Variants in CCSER1 observed in about 807,000 individuals in gnomAD.
The protein encoded by CCSER1 is serine-rich coiled-coil domain-containing protein 1.
Under a neutral mutation model 82.0 loss-of-function variants are expected in CCSER1, and 41 were observed. The observed-to-expected ratio is 0.50, with a 90% CI of 0.39 to 0.65. The LOEUF is 0.65. Among genes scored for constraint, CCSER1 ranks in the 30% least tolerant of loss-of-function variants. CCSER1 has a pLI of 0.00. For missense variants in CCSER1, 1,119 were observed against 1,064.2 expected (o/e 1.05, Z -0.72); for synonymous variants, 414 against 383.9 (o/e 1.08, Z -0.92).
chr4:90,184,380 G>A (rs1734235056), intron 1 of CCSER1, among the ~76,000 whole-genome samples: 3 of 152,098 alleles, frequency 2.0e-5, no homozygotes, highest in Admixed American at 1.3e-4. Flanking sequence ...AAAATGTTCG[G>A]TGGGGATGGC....
chr4:90,705,119 CT>C (rs1296726985), intron 6 of CCSER1, among the ~76,000 whole-genome samples: 1 of 152,112 alleles, frequency 6.6e-6, no homozygotes, highest in Non-Finnish European at 1.5e-5. Flanking sequence ...TAGCTTTGGT[CT>C]TTGATGATCA....
intron 7 of CCSER1, among the ~76,000 whole-genome samples, chr4:90,799,850 G>A (rs1756558481): frequency 1.3e-5 from 2 of 152,196 alleles, no homozygotes; most frequent in African/African-American, 2.4e-5. Context: ...ACAAGTGTCT[G>A]TAGTGGTCAA....
At chr4:90,419,318 C>T (rs532464391) in intron 4 of CCSER1, among the ~76,000 whole-genome samples, 3 of 151,796 alleles carry the variant, frequency 2.0e-5, no homozygotes, top group Admixed American at 6.6e-5. Flanking sequence ...GTTCTTCTAA[C>T]GATGATAGTA....
At chr4:90,430,430 C>T (rs1266016661) in intron 4 of CCSER1, among the ~76,000 whole-genome samples, 3 of 151,822 alleles carry the variant, frequency 2.0e-5, no homozygotes, top group Non-Finnish European at 4.4e-5. Context: ...CCAATACAAG[C>T]TCTGAGTGAA....
chr4:90,129,122 A>G (rs1038194782), intron 1 of CCSER1, among the ~76,000 whole-genome samples: 1 of 152,180 alleles, frequency 6.6e-6, no homozygotes, highest in South Asian at 2.1e-4. Flanking sequence ...TTCCTATTGA[A>G]ATGTAACACA....
chr4:91,048,317 A>C (rs1243770407), intron 9 of CCSER1, among the ~76,000 whole-genome samples: 1 of 151,664 alleles, frequency 6.6e-6, no homozygotes, highest in African/African-American at 2.4e-5. Flanking sequence ...CAACTAAACA[A>C]ATTTCCTTCC....
chr4:90,506,259 C>A (rs777720786), intron 5 of CCSER1, among the ~76,000 whole-genome samples: 1 of 152,072 alleles, frequency 6.6e-6, no homozygotes, highest in East Asian at 1.9e-4. Flanking sequence ...GAATTTTCAT[C>A]TAGTTAATTT....
chr4:91,488,391 T>C (rs1464362719), intron 10 of CCSER1, among the ~76,000 whole-genome samples: 3 of 152,212 alleles, frequency 2.0e-5, no homozygotes, highest in African/African-American at 7.2e-5. Flanking sequence ...AATAAACATT[T>C]ACTGAGAAAC....
intron 10 of CCSER1, among the ~76,000 whole-genome samples, chr4:91,171,063 A>C (rs1370912367): frequency 6.6e-6 from 1 of 152,218 alleles, no homozygotes; most frequent in East Asian, 1.9e-4. Context: ...TATCAAATCT[A>C]TTTATGTCTA....
intron 8 of CCSER1, among the ~76,000 whole-genome samples, chr4:90,833,174 C>A (rs1580694626): frequency 6.6e-6 from 1 of 152,112 alleles, no homozygotes; most frequent in Non-Finnish European, 1.5e-5. Context: ...TTGGTGAGGG[C>A]TTTTACCCTG....
intron 10 of CCSER1, among the ~76,000 whole-genome samples, chr4:91,372,259 G>C (rs934430629): frequency 6.6e-6 from 1 of 152,060 alleles, no homozygotes; most frequent in Non-Finnish European, 1.5e-5. Context: ...GCTTGTACTA[G>C]AGGTTTATTC....
intron 1 of CCSER1, among the ~76,000 whole-genome samples, chr4:90,306,162 C>G (rs2153476981): frequency 6.6e-6 from 1 of 152,158 alleles, no homozygotes; most frequent in South Asian, 2.1e-4. Flanking sequence ...CTACCAGGCC[C>G]CAGGATGGAA....
At chr4:91,398,430 C>G (rs1752119360) in intron 10 of CCSER1, among the ~76,000 whole-genome samples, 1 of 151,730 alleles carries the variant, frequency 6.6e-6, no homozygotes, top group African/African-American at 2.4e-5. Flanking sequence ...ATTTAAAATA[C>G]TTTAAATTAA....
chr4:91,564,713 C>T (rs1466179638), intron 10 of CCSER1, among the ~76,000 whole-genome samples: 1 of 151,714 alleles, frequency 6.6e-6, no homozygotes, highest in Non-Finnish European at 1.5e-5. Flanking sequence ...TGTTCATTTT[C>T]CCACTTTTTA....
At chr4:90,140,277 A>G (rs918016355) in intron 1 of CCSER1, among the ~76,000 whole-genome samples, 2 of 152,154 alleles carry the variant, frequency 1.3e-5, no homozygotes, top group Non-Finnish European at 2.9e-5. Flanking sequence ...ACTTAAAGGG[A>G]TGAATTTTCG....
intron 1 of CCSER1, among the ~76,000 whole-genome samples, chr4:90,199,589 C>G (rs1737261512): frequency 9.9e-6 from 1 of 101,044 alleles, no homozygotes; most frequent in South Asian, 3.7e-4. Flanking sequence ...CCAGTTCTCT[C>G]CTTTGCCTCT....
At chr4:91,420,109 A>G (rs1753607840) in intron 10 of CCSER1, among the ~76,000 whole-genome samples, 1 of 152,084 alleles carries the variant, frequency 6.6e-6, no homozygotes, top group Admixed American at 6.6e-5. Flanking sequence ...AGAAGAAAAC[A>G]TAGGGTAAAC....
chr4:90,279,739 A>G (rs556985158), intron 1 of CCSER1, among the ~76,000 whole-genome samples: 1 of 152,184 alleles, frequency 6.6e-6, no homozygotes, highest in African/African-American at 2.4e-5. Context: ...TCCAATGATT[A>G]GAATTGTAAT....
At chr4:90,569,389 T>A (rs985545467) in intron 5 of CCSER1, among the ~76,000 whole-genome samples, 18 of 152,056 alleles carry the variant, frequency 1.2e-4, no homozygotes, top group Non-Finnish European at 1.9e-4. Context: ...GAACCTTTGA[T>A]CAAAAACACT....
Sources: gnomAD v4.1 joint callset for allele counts (sites outside exome capture counted in the v4.1 genomes callset) on GRCh38, gnomAD v4.1.1 for gene constraint, MANE v1.5 for transcripts, NCBI Gene and HGNC (gene_info 2026-07-23, HGNC 2026-07-21) for gene names.